The following C2CD2 variants were observed in gnomAD, a reference collection of about 807,000 sequenced individuals.
C2CD2 encodes C2 domain-containing protein 2.
In C2CD2, 43 loss-of-function variants were observed where a neutral mutation model predicts 74.3. The ratio of observed to expected loss-of-function variants is 0.58; its 90% confidence interval spans 0.45 to 0.75. The LOEUF is 0.75. C2CD2 is among the 30% of genes least tolerant of loss of function. The pLI is 0.00. For synonymous variants in C2CD2, 422 were observed against 390.7 expected, an observed-to-expected ratio of 1.08 and a Z score of -0.94; for missense variants, 801 against 916.3, an observed-to-expected ratio of 0.87 and a Z score of 1.63.
At chr21:41,890,052 A>G (rs2064732141) in intron 13 of C2CD2, among the ~76,000 whole-genome samples, 1 of 152,178 alleles carries the variant, frequency 6.6e-6, no homozygotes, top group South Asian at 2.1e-4. Context: ...GGAAGGGTGT[A>G]GCTGGCAAAG....
At chr21:41,889,920 A>C (rs2064730548) in intron 13 of C2CD2, among the ~76,000 whole-genome samples, 1 of 152,172 alleles carries the variant, frequency 6.6e-6, no homozygotes, top group South Asian at 2.1e-4. Flanking sequence ...CTGGGATTAC[A>C]GGCATGAGCC....
In C2CD2 at chr21:41,943,034, C is replaced by T. The variant is rs113340493; in HGVS notation, c.280-789G>A. ...CTCCAAGCAAAGCCAGGCATGGTGG[C>T]TCACACCGGTAATCCCAGTACTTTG... On this transcript the variant is annotated intron_variant, in intron 1 of 13. Coordinates refer to ENST00000380486, the MANE Select transcript of C2CD2 (RefSeq NM_015500.2). The T allele has an allele frequency of 3.8e-3, 2,580 of 670,366 alleles. 65 individuals are homozygous for T. In the African/African-American group the frequency reaches 0.046, roughly 12 times the overall value. 41.5% of individuals were successfully genotyped at this position (670,366 alleles called of 1,614,324 possible). A position where few individuals can be genotyped will look rare whatever the true frequency, so the allele number is the denominator to read the frequency against.
intron 1 of C2CD2, chr21:41,942,926 G>A (rs2065367411): frequency 2.0e-6 from 2 of 980,318 alleles, no homozygotes; most frequent in Admixed American, 6.1e-5. Flanking sequence ...GTTCACCTGT[G>A]CCCGTGGCTC....
chr21:41,952,350 C>CA (rs1369429552), intron 1 of C2CD2, among the ~76,000 whole-genome samples: 1 of 152,192 alleles, frequency 6.6e-6, no homozygotes, highest in Non-Finnish European at 1.5e-5. Flanking sequence ...GGACCAGGCA[C>CA]AGGGCCCGCC....
At chr21:41,938,487 A>G (rs2065327277) in intron 2 of C2CD2, among the ~76,000 whole-genome samples, 1 of 152,060 alleles carries the variant, frequency 6.6e-6, no homozygotes, top group Admixed American at 6.6e-5. Context: ...AACCATCATC[A>G]CCATCCACCT....
Position 41,888,806 on chromosome 21 carries a change from A to G in C2CD2, c.*318T>C, listed in dbSNP as rs2064712573. On this transcript the variant is annotated 3_prime_UTR_variant, in exon 14 of 14. Transcript: ENST00000380486. ...AAACCTGCCCTCCACAATCTATTAG[A>G]GCATATTATTTCACTTATAATGTTA... 2 of 386,800 alleles carry G rather than the reference A, an allele frequency of 5.2e-6. No homozygotes were observed. Among genetic ancestry groups the G allele is most frequent in the African/African-American group, 4.1e-5 (2 of 49,028 alleles). The allele number at this position is 386,800 out of a possible 1,614,324, so 24.0% of individuals were successfully genotyped here.
At chr21:41,931,684 G>A (rs185056236) in intron 2 of C2CD2, among the ~76,000 whole-genome samples, 1 of 150,320 alleles carries the variant, frequency 6.7e-6, no homozygotes, top group Non-Finnish European at 1.5e-5. Flanking sequence ...GCCTCCCAAA[G>A]TGCTGGGATT....
intron 5 of C2CD2, among the ~76,000 whole-genome samples, chr21:41,916,664 T>TACACAC (rs10580778): frequency 4.3e-4 from 62 of 144,754 alleles, no homozygotes; most frequent in African/African-American, 1.2e-3. Context: ...GTGAGCTGAT[T>TACACAC]ACACACACAC....
chr21:41,920,359 A>C (rs965774452), intron 3 of C2CD2, among the ~76,000 whole-genome samples: 8 of 152,194 alleles, frequency 5.3e-5, no homozygotes, highest in Non-Finnish European at 1.2e-4. Flanking sequence ...AAAAATCTTA[A>C]CTTTGCAGAT....
chr21:41,893,155 T>TA (rs2064777023), intron 13 of C2CD2, among the ~76,000 whole-genome samples: 1 of 152,060 alleles, frequency 6.6e-6, no homozygotes, highest in Non-Finnish European at 1.5e-5. Context: ...TTTTAAAAAA[T>TA]AAAAAAATTA....
rs1050432093 is a variant in C2CD2, at chr21:41,924,369, T to C, written c.379-2284A>G. ...ACCAAATACCTCAATGCCACAGAGC[T>C]AGAAAAAGAAAATCCTGCCTTCTCT... On this transcript the variant is annotated intron_variant, in intron 2 of 13. Transcript: ENST00000380486. The surrounding 1 kb of genome is among the most constrained non-coding windows in gnomAD (Gnocchi z 4.4). 3.3e-5 allele frequency among the ~76,000 whole-genome samples: 5 copies of C among 152,150 alleles called. No homozygotes were observed. Among genetic ancestry groups the C allele is most frequent in the Admixed American group, 2.0e-4 (3 of 15,278 alleles).
intron 1 of C2CD2, among the ~76,000 whole-genome samples, chr21:41,946,805 C>T (rs1055692767): frequency 2.0e-5 from 3 of 152,156 alleles, no homozygotes; most frequent in African/African-American, 7.2e-5. Flanking sequence ...CACACCACTT[C>T]TGTGGTTTGT....
chr21:41,895,965 G>A lies in C2CD2; in HGVS notation c.1870+3088C>T, dbSNP rs2064817256. On this transcript the variant is annotated intron_variant, in intron 13 of 13. Transcript: ENST00000380486. The surrounding 1 kb of genome is among the most constrained non-coding windows in gnomAD (Gnocchi z 5.0). Reference sequence around the variant, plus strand: ...ACAAAAGGAACCAGCTTCTTCCTGTGGGTGTCACAGCGAGGTCGCCTGGCC... The same window carrying A: ...ACAAAAGGAACCAGCTTCTTCCTGTAGGTGTCACAGCGAGGTCGCCTGGCC... 6.6e-6 allele frequency among the ~76,000 whole-genome samples: 1 copy of A among 152,200 alleles called. No homozygotes were observed.
At chr21:41,906,784 A>G (rs953548302) in intron 10 of C2CD2, among the ~76,000 whole-genome samples, 3 of 152,180 alleles carry the variant, frequency 2.0e-5, no homozygotes, top group African/African-American at 7.2e-5. Context: ...AGTTTATTGC[A>G]TATGTGTTTG....
intron 1 of C2CD2, among the ~76,000 whole-genome samples, chr21:41,946,344 T>C (rs73221451): frequency 6.6e-6 from 1 of 152,268 alleles, no homozygotes; most frequent in African/African-American, 2.4e-5. Context: ...TGTTACCAGA[T>C]GGGCCCGGTG....
intron 13 of C2CD2, among the ~76,000 whole-genome samples, chr21:41,890,905 T>C (rs1427930490): frequency 6.6e-6 from 1 of 152,208 alleles, no homozygotes; most frequent in East Asian, 1.9e-4. Flanking sequence ...GGAACTACTG[T>C]GTCCCATCTG....
At chr21:41,947,801 T>C (rs1440030650) in intron 1 of C2CD2, among the ~76,000 whole-genome samples, 1 of 152,084 alleles carries the variant, frequency 6.6e-6, no homozygotes, top group East Asian at 1.9e-4. Context: ...GCACAGAGAC[T>C]CTCCCAGGAT....
Position 41,918,839 on chromosome 21 carries a change from A to C in C2CD2, c.597+17T>G, listed in dbSNP as rs2245127. 435,654 of 1,597,286 alleles carry C rather than the reference A, an allele frequency of 0.27. 62,561 individuals carry two copies. Among genetic ancestry groups the C allele is most frequent in the Non-Finnish European group, 0.3 (344,453 of 1,165,018 alleles). ...TTCTCACGCCAATGGAAGAATCATA[A>C]AAACTTACGGACTGACCTCCCCCAG... On this transcript the variant is annotated intron_variant, in intron 4 of 13. Coordinates refer to ENST00000380486, the MANE Select transcript of C2CD2 (RefSeq NM_015500.2).
intron 4 of C2CD2, among the ~76,000 whole-genome samples, chr21:41,918,475 G>C (rs1199652811): frequency 6.6e-6 from 1 of 152,222 alleles, no homozygotes; most frequent in Non-Finnish European, 1.5e-5. Context: ...CGTCAGACAT[G>C]GTGGAGCGTC....
Sources: gnomAD v4.1 joint callset for allele counts (sites outside exome capture counted in the v4.1 genomes callset) on GRCh38, gnomAD v4.1.1 for gene constraint, Gnocchi (gnomAD v3.1) non-coding constraint, MANE v1.5 for transcripts, NCBI Gene and HGNC (gene_info 2026-07-23, HGNC 2026-07-21) for gene names.